The following CTSA variants were observed in gnomAD, a reference collection of about 807,000 sequenced individuals.
CTSA encodes lysosomal protective protein.
CTSA carries 42 observed loss-of-function variants against 66.7 expected under a neutral mutation model. That is an observed-to-expected ratio of 0.63 (90% confidence interval 0.49 to 0.81). The LOEUF is 0.81. Ranked by LOEUF, CTSA falls within the 40% of genes least tolerant of loss-of-function variation. CTSA has a pLI of 0.00. For synonymous variants in CTSA, 225 were observed against 248.6 expected (o/e 0.91, Z 0.89); for missense variants, 525 against 610.9 (o/e 0.86, Z 1.48).
At position 45,891,979 on chromosome 20, in the gene CTSA, C is replaced by G. The variant is rs766977905; in HGVS notation, c.258C>G (p.Pro86=). ...TGGTGCTTTGGCTCAATGGGGGTCC[C>G]GGCTGCAGCTCACTAGATGGGCTCC... ...SPVVLWLNGG[P]GCSSLDGLLT... Residue 86 remains proline (P), a synonymous_variant, in exon 3 of 15, where the codon CCC becomes CCG. Coordinates refer to ENST00000646241, the MANE Select transcript of CTSA (RefSeq NM_000308.4). The surrounding 1 kb of genome is among the most constrained non-coding windows in gnomAD (Gnocchi z 4.6). The G allele has an allele frequency of 6.2e-7, 1 of 1,614,118 alleles. No individual in the cohort carries two copies. Among genetic ancestry groups the G allele is most frequent in the Non-Finnish European group, 8.5e-7 (1 of 1,180,038 alleles).
Position 45,894,811 on chromosome 20 carries a change from C to T in CTSA, c.870-12C>T, listed in dbSNP as rs778344030. ...GGAGGCTCCACACCCATTCCCCCAC[C>T]TCACATTGCAGGTATGAGAAGGACA... On this transcript the variant is annotated splice_polypyrimidine_tract_variant and intron_variant, in intron 9 of 14. Transcript: ENST00000646241. 2.5e-6 allele frequency: 4 copies of T among 1,613,870 alleles called. No homozygotes were observed. The highest frequency in any genetic ancestry group is 1.1e-5 in the South Asian group (1 of 91,066).
At chr20:45,894,148 G>T in intron 8 of CTSA, 76 bp downstream of exon 8, 1 of 1,045,804 alleles carries the variant, frequency 9.6e-7, no homozygotes, top group Non-Finnish European at 1.5e-6. Context: ...CCTCCTTGGG[G>T]ACTCCTTGTT....
intron 11 of CTSA, 21 bp from the exon 12 acceptor site, chr20:45,896,944 C>A: frequency 6.2e-7 from 1 of 1,609,942 alleles, no homozygotes; most frequent in Non-Finnish European, 8.5e-7. Flanking sequence ...TTCCTGGGGC[C>A]TGCTCGTATG....
At chr20:45,894,164 T>C in intron 8 of CTSA, 92 bp downstream of exon 8, 1 of 925,034 alleles carries the variant, frequency 1.1e-6, no homozygotes, top group Admixed American at 1.7e-5. Context: ...TTGTTCTCCG[T>C]CCCTCATTGC....
chr20:45,895,042 A>C lies in CTSA; in HGVS notation c.997A>C (p.Asn333His). ...AGTGCGCATGGACCCCCCCTGCACC[A>C]ACACAACAGCTGCTTCCACCTACCT... ...DKVRMDPPCT[N>H]TTAASTYLNN... Residue 333 changes from asparagine (N) to histidine (H), a missense_variant, in exon 11 of 15, where the codon AAC becomes CAC. Physicochemically the swap from Asn to His is moderately conservative, Grantham distance 68. Coordinates refer to ENST00000646241, the MANE Select transcript of CTSA (RefSeq NM_000308.4). 6.2e-7 allele frequency: 1 copy of C among 1,614,164 alleles called. No individual in the cohort carries two copies. Among genetic ancestry groups the C allele is most frequent in the Non-Finnish European group, 8.5e-7 (1 of 1,180,016 alleles).
Position 45,891,849 on chromosome 20 carries a change from C to A in CTSA, c.195-67C>A. 6.2e-7 allele frequency: 1 copy of A among 1,608,970 alleles called. No homozygotes were observed. Among genetic ancestry groups the A allele is most frequent in the Non-Finnish European group, 8.5e-7 (1 of 1,175,498 alleles). On this transcript the variant is annotated intron_variant, in intron 2 of 14. Transcript: ENST00000646241. The surrounding 1 kb of genome is among the most constrained non-coding windows in gnomAD (Gnocchi z 4.6). ...TAGTTCTGCAGACCCCTGAGGATGC[C>A]TGGGAGCCGGGAGGGCTGGAAAGGG...
chr20:45,897,979 G>C, intron 13 of CTSA, 26 bp from the exon 14 acceptor site: 1 of 1,611,234 alleles, frequency 6.2e-7, no homozygotes. Flanking sequence ...AGCTGCTGTA[G>C]GCTGATGTCT....
At position 45,898,359 on chromosome 20, in the gene CTSA, C is replaced by T; in HGVS notation, c.1360-8C>T. Reference sequence around the variant, plus strand: ...TGGGGTCAGGAGCTCACGAACATTGCTCCTCAGGGCGCCGGCCACATGGTT... The same window carrying T: ...TGGGGTCAGGAGCTCACGAACATTGTTCCTCAGGGCGCCGGCCACATGGTT... On this transcript the variant is annotated splice_polypyrimidine_tract_variant and splice_region_variant and intron_variant, in intron 14 of 14. Coordinates refer to ENST00000646241, the MANE Select transcript of CTSA (RefSeq NM_000308.4). The surrounding 1 kb of genome is among the most constrained non-coding windows in gnomAD (Gnocchi z 4.6). 1 of 1,612,994 alleles carries T rather than the reference C, an allele frequency of 6.2e-7. No individual in the cohort carries two copies. Among genetic ancestry groups the T allele is most frequent in the Non-Finnish European group, 8.5e-7 (1 of 1,179,320 alleles).
At position 45,898,220 on chromosome 20, in the gene CTSA, C is replaced by G; in HGVS notation, c.1359+111C>G. On this transcript the variant is annotated intron_variant, in intron 14 of 14. Coordinates refer to ENST00000646241, the MANE Select transcript of CTSA (RefSeq NM_000308.4). The surrounding 1 kb of genome is among the most constrained non-coding windows in gnomAD (Gnocchi z 4.6). ...GCTGGGTCATGGGTCACCATCTGGC[C>G]CCTGTATGGGCAAGTTTTTTTGGAG... 1 of 1,380,108 alleles carries G rather than the reference C, an allele frequency of 7.2e-7. No homozygotes were observed. Among genetic ancestry groups the G allele is most frequent in the Non-Finnish European group, 1.0e-6 (1 of 984,820 alleles). 85.5% of individuals were successfully genotyped at this position (1,380,108 alleles called of 1,614,324 possible). A position where few individuals can be genotyped will look rare whatever the true frequency, so the allele number is the denominator to read the frequency against.
intron 11 of CTSA, 112 bp downstream of exon 11, chr20:45,895,245 A>T (rs1040325124): frequency 7.8e-7 from 1 of 1,282,126 alleles, no homozygotes; most frequent in Non-Finnish European, 1.1e-6. Flanking sequence ...GATGAGCTGT[A>T]GAGGATGTTT....
intron 8 of CTSA, 42 bp from the exon 9 acceptor site, chr20:45,894,608 C>G: frequency 6.4e-7 from 1 of 1,552,986 alleles, no homozygotes; most frequent in Non-Finnish European, 8.9e-7. Context: ...CGTGGAGAGG[C>G]TGGGGATCTG....
chr20:45,897,458 T>A (rs1432945010), intron 12 of CTSA: 3 of 515,654 alleles, frequency 5.8e-6, no homozygotes, highest in African/African-American at 1.9e-5. Flanking sequence ...ACTAGCCACA[T>A]AATCTTGGGC....
At chr20:45,896,922 C>T in intron 11 of CTSA, 43 bp from the exon 12 acceptor site, 1 of 1,542,866 alleles carries the variant, frequency 6.5e-7, no homozygotes, top group Non-Finnish European at 9.0e-7. Flanking sequence ...TACTTTTCGC[C>T]CCGACCTGGT....
At position 45,891,869 on chromosome 20, in the gene CTSA, A is replaced by G; in HGVS notation, c.195-47A>G. On this transcript the variant is annotated intron_variant, in intron 2 of 14. Transcript: ENST00000646241. This position sits in a 1 kb window ranked among gnomAD's most constrained non-coding sequence, Gnocchi z 4.6. ...GATGCCTGGGAGCCGGGAGGGCTGG[A>G]AAGGGCCCCTCCAACTGCGCCAACC... The G allele has an allele frequency of 6.2e-7, 1 of 1,607,068 alleles. No individual in the cohort carries two copies. The highest frequency in any genetic ancestry group is 1.3e-5 in the African/African-American group (1 of 74,884).
chr20:45,893,979 C>T lies in CTSA; in HGVS notation c.693-9C>T. Reference sequence around the variant, plus strand: ...CAGCTGATGCGCTTTTCACTCTCATCTCCTACAGGCTTTGGTCTTCTCTCC... The same window carrying T: ...CAGCTGATGCGCTTTTCACTCTCATTTCCTACAGGCTTTGGTCTTCTCTCC... On this transcript the variant is annotated splice_polypyrimidine_tract_variant and intron_variant, in intron 7 of 14. Transcript: ENST00000646241. 6.3e-7 allele frequency: 1 copy of T among 1,584,870 alleles called. No individual in the cohort carries two copies. The highest frequency in any genetic ancestry group is 8.7e-7 in the Non-Finnish European group (1 of 1,153,860).
At chr20:45,896,631 G>A (rs2083109594) in intron 11 of CTSA, 2 of 339,776 alleles carry the variant, frequency 5.9e-6, no homozygotes, top group Non-Finnish European at 1.1e-5. Flanking sequence ...TAGAGACGGG[G>A]TTTCACCATG....
intron 8 of CTSA, 179 bp from the exon 9 acceptor site, chr20:45,894,471 A>G (rs527293650): frequency 1.6e-4 from 112 of 681,268 alleles, no homozygotes; most frequent in Non-Finnish European, 2.4e-4. Context: ...GGAGGCAGTG[A>G]TGCTAGGATT....
Position 45,895,003 on chromosome 20 carries a change from C to T in CTSA, c.958C>T (p.Arg320Cys), listed in dbSNP as rs1416229394. Reference sequence around the variant, plus strand: ...TGTCTGTGCCTTCCAGGCACTGCTGCGCTCAGGGGATAAAGTGCGCATGGA... The same window carrying T: ...TGTCTGTGCCTTCCAGGCACTGCTGTGCTCAGGGGATAAAGTGCGCATGGA... ...LKRMWHQALLRSGDKVRMDPP... is the reference protein window; with the variant it reads ...LKRMWHQALLCSGDKVRMDPP... The change falls in exon 11 of 15, where the codon CGC becomes TGC. Residue 320 changes from arginine (R) to cysteine (C), a missense_variant. Physicochemically the swap from Arg to Cys is radical, Grantham distance 180. This residue lies in a region of CTSA where 274 missense variants were observed against 321.1 expected (regional missense o/e 0.85). Coordinates refer to ENST00000646241, the MANE Select transcript of CTSA (RefSeq NM_000308.4). 5 of 1,614,130 alleles carry T rather than the reference C, an allele frequency of 3.1e-6. No homozygotes were observed. Among genetic ancestry groups the T allele is most frequent in the Non-Finnish European group, 4.2e-6 (5 of 1,180,004 alleles).
intron 12 of CTSA, 175 bp from the exon 13 acceptor site, chr20:45,897,541 TA>T (rs1439319274): frequency 9.7e-6 from 6 of 617,918 alleles, no homozygotes; most frequent in Non-Finnish European, 1.7e-5. Flanking sequence ...CCTTCACAGA[TA>T]AAACATTTAG....
Sources: gnomAD v4.1 joint callset for allele counts on GRCh38, gnomAD v4.1.1 for gene constraint, gnomAD v4.1.1 regional missense constraint, Gnocchi (gnomAD v3.1) non-coding constraint, MANE v1.5 for transcripts, NCBI Gene and HGNC (gene_info 2026-07-23, HGNC 2026-07-21) for gene names.